Variants in NALF1 observed in about 807,000 individuals in gnomAD.
NALF1 encodes family with sequence similarity 155 member A.
A neutral mutation model predicts 48.4 loss-of-function variants in NALF1; 3 were observed. The observed-to-expected ratio is 0.06, with a 90% CI of 0.03 to 0.16. The LOEUF (loss-of-function observed/expected upper bound fraction) is 0.16. Among genes scored for constraint, NALF1 ranks in the 10% least tolerant of loss-of-function variants. The pLI is 1.00. For missense variants in NALF1, 526 were observed against 571.5 expected (o/e 0.92, Z 0.81); for synonymous variants, 262 against 245.7 (o/e 1.07, Z -0.62).
At chr13:107,207,306 A>G (rs1879664020) in intron 2 of NALF1, among the ~76,000 whole-genome samples, 2 of 151,676 alleles carry the variant, frequency 1.3e-5, no homozygotes, top group African/African-American at 2.4e-5. Context: ...GTTTTCAGAG[A>G]AAAAAAACAG....
At chr13:107,242,643 C>T (rs1255681577) in intron 1 of NALF1, among the ~76,000 whole-genome samples, 4 of 152,040 alleles carry the variant, frequency 2.6e-5, no homozygotes, top group East Asian at 1.9e-4. Flanking sequence ...AAGTGACAGC[C>T]GTCTGCTCAT....
intron 1 of NALF1, among the ~76,000 whole-genome samples, chr13:107,749,282 A>G (rs1876868341): frequency 6.6e-6 from 1 of 152,080 alleles, no homozygotes; most frequent in Admixed American, 6.6e-5. Flanking sequence ...AGTAAAATGC[A>G]AAGGAGCTAG....
chr13:107,642,482 T>C (rs1566426878), intron 1 of NALF1, among the ~76,000 whole-genome samples: 1 of 152,346 alleles, frequency 6.6e-6, no homozygotes, highest in Non-Finnish European at 1.5e-5. Context: ...AATCATTGCA[T>C]ACATTGCATG....
intron 1 of NALF1, among the ~76,000 whole-genome samples, chr13:107,690,665 A>C (rs868843772): frequency 4.6e-5 from 7 of 152,208 alleles, no homozygotes; most frequent in South Asian, 4.1e-4. Context: ...TAGTTTACTA[A>C]ATATGGTCAG....
At chr13:107,863,329 G>A (rs1173322676) in intron 1 of NALF1, among the ~76,000 whole-genome samples, 2 of 152,078 alleles carry the variant, frequency 1.3e-5, no homozygotes, top group African/African-American at 4.8e-5. Context: ...CAGAATCAAA[G>A]AGAAAATATA....
chr13:107,447,448 T>A (rs1187057497), intron 1 of NALF1, among the ~76,000 whole-genome samples: 1 of 152,182 alleles, frequency 6.6e-6, no homozygotes, highest in Non-Finnish European at 1.5e-5. Context: ...TCATTTCTTT[T>A]ACTAGGTGAT....
intron 1 of NALF1, among the ~76,000 whole-genome samples, chr13:107,513,470 C>A (rs1406096900): frequency 1.3e-5 from 2 of 151,898 alleles, no homozygotes; most frequent in Non-Finnish European, 2.9e-5. Context: ...GGGAAACTAG[C>A]CATTGTTTAA....
intron 1 of NALF1, among the ~76,000 whole-genome samples, chr13:107,812,358 A>G (rs924710250): frequency 6.6e-6 from 1 of 152,136 alleles, no homozygotes; most frequent in Admixed American, 6.5e-5. Flanking sequence ...TAATACCACT[A>G]TAATATTCTA....
At chr13:107,230,242 T>C (rs892647340) in intron 1 of NALF1, among the ~76,000 whole-genome samples, 9 of 152,228 alleles carry the variant, frequency 5.9e-5, no homozygotes, top group Non-Finnish European at 1.2e-4. Context: ...CAATTTCATA[T>C]GGTTTAATCT....
intron 1 of NALF1, among the ~76,000 whole-genome samples, chr13:107,298,493 GCA>G (rs1423490329): frequency 6.6e-6 from 1 of 151,496 alleles, no homozygotes; most frequent in African/African-American, 2.4e-5. Flanking sequence ...GTGCACTGGT[GCA>G]ATCTCAGCTC....
intron 1 of NALF1, among the ~76,000 whole-genome samples, chr13:107,629,000 A>C (rs1879759695): frequency 6.6e-6 from 1 of 152,176 alleles, no homozygotes; most frequent in South Asian, 2.1e-4. Context: ...TCTCCAGTAC[A>C]TAAAACTTTA....
At chr13:107,520,912 G>T (rs538104327) in intron 1 of NALF1, among the ~76,000 whole-genome samples, 1 of 152,194 alleles carries the variant, frequency 6.6e-6, no homozygotes, top group Admixed American at 6.5e-5. Context: ...TGCAGCAGTG[G>T]GGTCCTCTCC....
At chr13:107,590,737 G>A (rs1321907443) in intron 1 of NALF1, among the ~76,000 whole-genome samples, 1 of 151,902 alleles carries the variant, frequency 6.6e-6, no homozygotes, top group Non-Finnish European at 1.5e-5. Flanking sequence ...AGTTTACATT[G>A]CCTTATGAGG....
chr13:107,630,286 C>T (rs1346611479), intron 1 of NALF1, among the ~76,000 whole-genome samples: 2 of 152,174 alleles, frequency 1.3e-5, no homozygotes, highest in Non-Finnish European at 2.9e-5. Flanking sequence ...ATCCACTGCA[C>T]AATTCCAGGC....
chr13:107,639,827 A>C (rs954832543), intron 1 of NALF1, among the ~76,000 whole-genome samples: 1 of 152,156 alleles, frequency 6.6e-6, no homozygotes, highest in African/African-American at 2.4e-5. Context: ...TTTCTGTAAC[A>C]ATCTACAAAG....
chr13:107,418,294 C>T (rs931830363), intron 1 of NALF1, among the ~76,000 whole-genome samples: 1 of 152,052 alleles, frequency 6.6e-6, no homozygotes, highest in East Asian at 1.9e-4. Context: ...CCCCTCCCCT[C>T]GAGTGTGAGC....
chr13:107,807,791 A>C (rs540681548), intron 1 of NALF1, among the ~76,000 whole-genome samples: 2 of 152,270 alleles, frequency 1.3e-5, no homozygotes, highest in East Asian at 3.9e-4. Context: ...GGGTATTGTA[A>C]AACGCAAATG....
intron 1 of NALF1, among the ~76,000 whole-genome samples, chr13:107,250,154 C>T (rs376508050): frequency 6.9e-4 from 104 of 151,162 alleles, no homozygotes; most frequent in African/African-American, 2.0e-3. Flanking sequence ...GAAGTACAGA[C>T]GACATAAATT....
At chr13:107,494,710 T>A (rs901494103) in intron 1 of NALF1, among the ~76,000 whole-genome samples, 22 of 152,222 alleles carry the variant, frequency 1.4e-4, no homozygotes, top group African/African-American at 5.3e-4. Context: ...ATAAATAGCA[T>A]GACAGTGTTT....
Sources: allele counts gnomAD v4.1 joint callset (sites outside exome capture counted in the v4.1 genomes callset), GRCh38; gene constraint gnomAD v4.1.1; transcripts MANE v1.5; gene names NCBI Gene and HGNC (gene_info 2026-07-23, HGNC 2026-07-21).